Variants in LMO7 observed in about 807,000 individuals in gnomAD.
LMO7 encodes the protein LIM domain only protein 7.
LMO7 carries 120 observed loss-of-function variants against 206.5 expected under a neutral mutation model. That is an observed-to-expected ratio of 0.58 (90% CI 0.50 to 0.68). LMO7 has a LOEUF of 0.68. LMO7 is among the 30% of genes least tolerant of loss of function. The probability of loss-of-function intolerance (pLI) is 0.00; values close to 1 mark genes in which losing one functional copy is unlikely to be tolerated. For synonymous variants in LMO7, 706 were observed against 681.5 expected (o/e 1.04, Z -0.56); for missense variants, 1,959 against 1,957.9 (o/e 1.00, Z -0.01).
At chr13:75,794,236 A>G (rs572772042) in intron 4 of LMO7, among the ~76,000 whole-genome samples, 4 of 152,334 alleles carry the variant, frequency 2.6e-5, no homozygotes, top group Admixed American at 6.5e-5. Flanking sequence ...TTACCAAGTG[A>G]CTTAAGAGTT....
intron 3 of LMO7, among the ~76,000 whole-genome samples, chr13:75,728,411 A>G (rs1268552992): frequency 1.2e-4 from 19 of 152,130 alleles, no homozygotes; most frequent in Non-Finnish European, 2.9e-5. Context: ...TTTTGGCTGC[A>G]TAAATGTCTT....
At chr13:75,726,895 T>C in intron 2 of LMO7, 134 bp from the exon 3 acceptor site, 1 of 649,062 alleles carries the variant, frequency 1.5e-6, no homozygotes, top group Non-Finnish European at 2.8e-6. Context: ...GGTTATTTGC[T>C]TTTTGATGGG....
At chr13:75,760,889 G>T in intron 3 of LMO7, 43 bp from the exon 4 acceptor site, 2 of 1,610,546 alleles carry the variant, frequency 1.2e-6, no homozygotes, top group Non-Finnish European at 1.7e-6. Flanking sequence ...CTTTGTCTGA[G>T]AGAGAGCTCA....
At chr13:75,821,979 A>G (rs1163828793) in intron 14 of LMO7, among the ~76,000 whole-genome samples, 1 of 151,220 alleles carries the variant, frequency 6.6e-6, no homozygotes, top group Non-Finnish European at 1.5e-5. Context: ...ACAGCAATTC[A>G]TATGGTTTAG....
intron 19 of LMO7, among the ~76,000 whole-genome samples, chr13:75,837,902 A>G (rs1288566538): frequency 6.6e-6 from 1 of 152,218 alleles, no homozygotes; most frequent in Non-Finnish European, 1.5e-5. Context: ...CTATCATGCT[A>G]TATGCTAAAG....
At chr13:75,801,537 A>G (rs899804204) in intron 7 of LMO7, among the ~76,000 whole-genome samples, 1 of 152,198 alleles carries the variant, frequency 6.6e-6, no homozygotes, top group African/African-American at 2.4e-5. Flanking sequence ...GCGGGAAGGA[A>G]CCTTCTTTCA....
At chr13:75,800,055 A>T (rs1455419597) in intron 6 of LMO7, among the ~76,000 whole-genome samples, 1 of 152,244 alleles carries the variant, frequency 6.6e-6, no homozygotes, top group African/African-American at 2.4e-5. Flanking sequence ...CCCTTGATTC[A>T]ACAAGAAGGA....
At chr13:75,734,275 C>T (rs185583570) in intron 3 of LMO7, among the ~76,000 whole-genome samples, 45 of 152,192 alleles carry the variant, frequency 3.0e-4, no homozygotes, top group African/African-American at 7.0e-4. Context: ...AATAATAATG[C>T]GGGGCGTTGT....
intron 1 of LMO7, among the ~76,000 whole-genome samples, chr13:75,653,526 A>G (rs1041916896): frequency 6.6e-6 from 1 of 152,228 alleles, no homozygotes; most frequent in Admixed American, 6.5e-5. Flanking sequence ...CCCAGTAGAA[A>G]TTTCTAAAAG....
At chr13:75,803,378 G>A (rs2055028310) in intron 7 of LMO7, among the ~76,000 whole-genome samples, 1 of 152,220 alleles carries the variant, frequency 6.6e-6, no homozygotes, top group African/African-American at 2.4e-5. Context: ...GCACAGCCAG[G>A]CCTGGAGAGA....
chr13:75,654,466 T>C (rs2037857200), intron 1 of LMO7, among the ~76,000 whole-genome samples: 1 of 145,600 alleles, frequency 6.9e-6, no homozygotes, highest in African/African-American at 2.5e-5. Flanking sequence ...ACTGGCCAAA[T>C]AGCCAAGACG....
At chr13:75,702,290 C>T (rs2042335569) in intron 1 of LMO7, among the ~76,000 whole-genome samples, 1 of 152,032 alleles carries the variant, frequency 6.6e-6, no homozygotes, top group Non-Finnish European at 1.5e-5. Flanking sequence ...TGGCCTTCCC[C>T]AAGAGAAGGT....
rs191830147 is a variant in LMO7, at chr13:75,637,703, A to G, written c.69+977A>G. ...CCACGGAAAAAACTACATGTTTAAGAATTCCAAAGCGAACGATACTTGAAA... is the reference window on the plus strand; with the variant it reads ...CCACGGAAAAAACTACATGTTTAAGGATTCCAAAGCGAACGATACTTGAAA... On this transcript the variant is annotated intron_variant, in intron 1 of 30. Coordinates refer to ENST00000377534, the MANE Select transcript of LMO7 (RefSeq NM_001306080.2). Among the ~76,000 whole-genome samples, 46 of 152,392 alleles carry G rather than the reference A, an allele frequency of 3.0e-4. No homozygotes were observed. In the East Asian group the frequency reaches 4.0e-3, roughly 13 times the overall value.
intron 17 of LMO7, among the ~76,000 whole-genome samples, chr13:75,834,836 A>G (rs2138986960): frequency 6.6e-6 from 1 of 152,306 alleles, no homozygotes; most frequent in East Asian, 1.9e-4. Context: ...TCTTAATTAT[A>G]GAGGCTAGAT....
intron 4 of LMO7, among the ~76,000 whole-genome samples, chr13:75,793,544 G>A (rs2053593020): frequency 6.6e-6 from 1 of 152,166 alleles, no homozygotes; most frequent in South Asian, 2.1e-4. Context: ...CCAAAGTGCT[G>A]GGATTACAGG....
chr13:75,698,278 A>G (rs1490220314), intron 1 of LMO7, among the ~76,000 whole-genome samples: 1 of 151,912 alleles, frequency 6.6e-6, no homozygotes, highest in East Asian at 1.9e-4. Context: ...TGAAAAAAAT[A>G]TAAATACATA....
intron 1 of LMO7, among the ~76,000 whole-genome samples, chr13:75,711,009 GC>G (rs1472985317): frequency 6.6e-6 from 1 of 152,114 alleles, no homozygotes; most frequent in Non-Finnish European, 1.5e-5. Context: ...TTAGCATGAA[GC>G]GTTGTTGAAT....
At chr13:75,845,535 C>G (rs2059919422) in intron 26 of LMO7, among the ~76,000 whole-genome samples, 156 bp downstream of exon 26, 1 of 152,058 alleles carries the variant, frequency 6.6e-6, no homozygotes, top group Admixed American at 6.6e-5. Context: ...AACAGCAAAA[C>G]AACTATCTTG....
intron 1 of LMO7, among the ~76,000 whole-genome samples, chr13:75,696,688 A>G (rs2041925716): frequency 6.6e-6 from 1 of 152,150 alleles, no homozygotes; most frequent in Admixed American, 6.5e-5. Flanking sequence ...CAAGCTTCCC[A>G]AGTGGTTCTT....
Sources: gnomAD v4.1 joint callset for allele counts (sites outside exome capture counted in the v4.1 genomes callset) on GRCh38, gnomAD v4.1.1 for gene constraint, MANE v1.5 for transcripts, NCBI Gene and HGNC (gene_info 2026-07-23, HGNC 2026-07-21) for gene names.